KIAA0825: variants seen among roughly 807,000 people sequenced by gnomAD.
KIAA0825 encodes the protein uncharacterized protein KIAA0825.
In KIAA0825, 119 loss-of-function variants were observed where a neutral mutation model predicts 147.6. The observed-to-expected ratio is 0.81, with a 90% CI of 0.69 to 0.94. The LOEUF (loss-of-function observed/expected upper bound fraction) is 0.94. Ranked by LOEUF, KIAA0825 falls within the 40% of genes least tolerant of loss-of-function variation. The pLI is 0.00. For missense variants in KIAA0825, 1,381 were observed against 1,472.7 expected (o/e 0.94, Z 1.02); for synonymous variants, 470 against 518.1 (o/e 0.91, Z 1.26).
chr5:94,535,103 A>G (rs944524327), intron 3 of KIAA0825, among the ~76,000 whole-genome samples: 3 of 152,152 alleles, frequency 2.0e-5, no homozygotes, highest in Non-Finnish European at 4.4e-5. Flanking sequence ...ATATATAGGT[A>G]TAGTATAAAG....
chr5:94,341,123 T>C (rs958148338), intron 20 of KIAA0825, among the ~76,000 whole-genome samples: 5 of 152,208 alleles, frequency 3.3e-5, no homozygotes, highest in Non-Finnish European at 5.9e-5. Flanking sequence ...ATCTGTGTAA[T>C]AAAACAGATG....
intron 1 of KIAA0825, among the ~76,000 whole-genome samples, chr5:94,597,757 G>A (rs1027541237): frequency 7.2e-5 from 11 of 152,030 alleles, no homozygotes; most frequent in African/African-American, 1.9e-4. Context: ...ATATACCTAG[G>A]CTATAATGGT....
chr5:94,535,493 CAAAAAAAAAA>C (rs11362220), intron 3 of KIAA0825, among the ~76,000 whole-genome samples: 3 of 32,136 alleles, frequency 9.3e-5, no homozygotes, highest in Admixed American at 3.8e-4. Flanking sequence ...CTGGGTGACT[CAAAAAAAAAA>C]AAAAAAAAAA....
chr5:94,552,011 T>C (rs1470923555), intron 2 of KIAA0825, among the ~76,000 whole-genome samples: 1 of 152,016 alleles, frequency 6.6e-6, no homozygotes, highest in Non-Finnish European at 1.5e-5. Flanking sequence ...CCCAACTATA[T>C]ACTGCCCACA....
chr5:94,516,789 CA>C (rs1163048649), intron 5 of KIAA0825, among the ~76,000 whole-genome samples: 3,389 of 53,614 alleles, frequency 0.063, 49 homozygotes, highest in Non-Finnish European at 0.087. Context: ...GACTCCGTCT[CA>C]AAAAAAAAAA....
intron 20 of KIAA0825, among the ~76,000 whole-genome samples, chr5:94,301,347 GT>G (rs1402815276): frequency 1.3e-5 from 2 of 151,304 alleles, no homozygotes; most frequent in East Asian, 3.9e-4. Context: ...AAAGTAATGA[GT>G]GTGAAAATTA....
At chr5:94,491,705 A>G (rs1227932756) in intron 5 of KIAA0825, among the ~76,000 whole-genome samples, 2 of 152,230 alleles carry the variant, frequency 1.3e-5, no homozygotes, top group Non-Finnish European at 2.9e-5. Flanking sequence ...TTATATGACT[A>G]GAAAAGAATT....
intron 20 of KIAA0825, among the ~76,000 whole-genome samples, chr5:94,369,152 A>C (rs758419356): frequency 6.6e-5 from 10 of 152,072 alleles, no homozygotes; most frequent in Non-Finnish European, 1.3e-4. Context: ...AGTGAGACCT[A>C]GACAAATAAA....
chr5:94,411,711 G>A (rs1190221215), intron 15 of KIAA0825, among the ~76,000 whole-genome samples: 1 of 152,184 alleles, frequency 6.6e-6, no homozygotes, highest in Non-Finnish European at 1.5e-5. Flanking sequence ...CACTTTGGGA[G>A]GCTGAGGCAG....
At chr5:94,333,915 A>T (rs1781532213) in intron 20 of KIAA0825, among the ~76,000 whole-genome samples, 1 of 152,212 alleles carries the variant, frequency 6.6e-6, no homozygotes, top group Admixed American at 6.5e-5. Context: ...GACTTCTTCA[A>T]GGAAAACTAC....
chr5:94,271,954 T>G (rs1304186205), intron 20 of KIAA0825, among the ~76,000 whole-genome samples: 1 of 151,874 alleles, frequency 6.6e-6, no homozygotes, highest in African/African-American at 2.4e-5. Context: ...GGAAATATGG[T>G]GCATATACAC....
chr5:94,160,443 A>G (rs1342909894), intron 20 of KIAA0825, among the ~76,000 whole-genome samples: 7 of 149,712 alleles, frequency 4.7e-5, no homozygotes, highest in African/African-American at 7.3e-5. Context: ...ATATATGTAT[A>G]TAGTACATTT....
chr5:94,276,580 T>C (rs985435306), intron 20 of KIAA0825, among the ~76,000 whole-genome samples: 2 of 152,058 alleles, frequency 1.3e-5, no homozygotes, highest in African/African-American at 2.4e-5. Context: ...AAAGCAGACA[T>C]TATTAATTGG....
chr5:94,562,282 T>G (rs1777692883), intron 2 of KIAA0825, among the ~76,000 whole-genome samples: 1 of 152,214 alleles, frequency 6.6e-6, no homozygotes, highest in South Asian at 2.1e-4. Context: ...TGAAATAACT[T>G]GAAAATCTAT....
At chr5:94,610,811 A>T (rs1472443651) in intron 1 of KIAA0825, among the ~76,000 whole-genome samples, 2 of 146,296 alleles carry the variant, frequency 1.4e-5, no homozygotes, top group Non-Finnish European at 3.0e-5. Flanking sequence ...ATATATAAAT[A>T]AAAAGATTAA....
intron 1 of KIAA0825, among the ~76,000 whole-genome samples, chr5:94,603,659 G>T (rs1026699964): frequency 6.6e-6 from 1 of 152,134 alleles, no homozygotes; most frequent in Non-Finnish European, 1.5e-5. Context: ...AGACCCAATT[G>T]TATGCTGCCT....
intron 18 of KIAA0825, 23 bp downstream of exon 18, chr5:94,391,512 C>A (rs1459204965): frequency 1.3e-6 from 2 of 1,551,168 alleles, no homozygotes; most frequent in South Asian, 1.2e-5. Flanking sequence ...CCTAATTGCT[C>A]GATAAAAAGG....
intron 16 of KIAA0825, among the ~76,000 whole-genome samples, chr5:94,398,026 G>C (rs191622304): frequency 7.9e-6 from 1 of 126,154 alleles, no homozygotes; most frequent in South Asian, 2.8e-4. Flanking sequence ...CCTCCCTCCC[G>C]TTCTTCCTGT....
intron 20 of KIAA0825, among the ~76,000 whole-genome samples, chr5:94,185,765 T>C (rs1461281189): frequency 3.9e-5 from 6 of 152,180 alleles, no homozygotes; most frequent in Non-Finnish European, 8.8e-5. Context: ...CTGTTCAAGA[T>C]ATTGGCACAG....
Sources: allele counts gnomAD v4.1 joint callset (sites outside exome capture counted in the v4.1 genomes callset), GRCh38; gene constraint gnomAD v4.1.1; transcripts MANE v1.5; gene names NCBI Gene and HGNC (gene_info 2026-07-23, HGNC 2026-07-21).